The following KIAA1217 variants were observed in gnomAD, a reference collection of about 807,000 sequenced individuals.
KIAA1217 encodes sickle tail protein homolog.
KIAA1217 carries 88 observed loss-of-function variants against 163.9 expected under a neutral mutation model. The observed-to-expected ratio is 0.54, with a 90% CI of 0.45 to 0.64. The LOEUF is 0.64. KIAA1217 is among the 30% of genes least tolerant of loss of function. The pLI, the probability that KIAA1217 is intolerant of heterozygous loss-of-function variation, is 0.00. For synonymous variants in KIAA1217, 903 were observed against 923.1 expected (o/e 0.98, Z 0.39); for missense variants, 2,372 against 2,475.0 (o/e 0.96, Z 0.88).
intron 2 of KIAA1217, 113 bp downstream of exon 2, chr10:24,220,022 C>G: frequency 8.8e-7 from 1 of 1,133,248 alleles, no homozygotes. Flanking sequence ...ACTGTGCATA[C>G]TATTTAGTTG....
intron 2 of KIAA1217, among the ~76,000 whole-genome samples, chr10:24,106,738 T>G (rs1169503805): frequency 6.6e-6 from 1 of 152,158 alleles, no homozygotes; most frequent in Non-Finnish European, 1.5e-5. Context: ...GCATCTCAAC[T>G]GTCTCATCCA....
intron 1 of KIAA1217, among the ~76,000 whole-genome samples, chr10:23,706,446 T>C (rs1836893470): frequency 6.6e-6 from 1 of 152,186 alleles, no homozygotes; most frequent in African/African-American, 2.4e-5. Flanking sequence ...GAAGTTCTCT[T>C]TCTCTTCCTA....
intron 2 of KIAA1217, among the ~76,000 whole-genome samples, chr10:24,157,055 G>T (rs79537413): frequency 0.019 from 2,878 of 152,278 alleles, 34 homozygotes; most frequent in Middle Eastern, 0.058. Context: ...GATCATATAG[G>T]AAGTACGCGT....
At position 24,375,288 on chromosome 10, in the gene KIAA1217, C is replaced by T. The variant is rs561241081; in HGVS notation, c.355-5581C>T. On this transcript the variant is annotated intron_variant, in intron 2 of 20. Coordinates refer to ENST00000376454, the MANE Select transcript of KIAA1217 (RefSeq NM_019590.5). Reference sequence around the variant, plus strand: ...TCCTTCCCACCCTTAGTCCTCAACCCAGCATGGACATTAAAGACAGGAAAC... The same window carrying T: ...TCCTTCCCACCCTTAGTCCTCAACCTAGCATGGACATTAAAGACAGGAAAC... 1.6e-4 allele frequency among the ~76,000 whole-genome samples: 24 copies of T among 152,252 alleles called. No individual in the cohort carries two copies. The East Asian group carries it at 2.3e-3, about 15-fold the overall frequency.
rs1224993149 is a variant in KIAA1217, at chr10:24,106,667, G to A, written c.-171+99293G>A. 2.0e-5 allele frequency among the ~76,000 whole-genome samples: 3 copies of A among 152,102 alleles called. No homozygotes were observed. The East Asian group carries it at 5.8e-4, about 29-fold the overall frequency. On this transcript the variant is annotated intron_variant, in intron 2 of 18. Transcript: ENST00000376462. ...GTGCCAGGAATCAGGAGGTCATTGA[G>A]TATCCCAGCTTATCCCACCTTACTG... is the stretch of plus-strand genomic sequence containing the variant.
intron 2 of KIAA1217, among the ~76,000 whole-genome samples, chr10:24,092,928 T>TGTGTTGTGTGTGTG (rs548350322): frequency 2.8e-5 from 4 of 140,952 alleles, no homozygotes; most frequent in South Asian, 2.2e-4. Flanking sequence ...TGTGTGTGTG[T>TGTGTTGTGTGTGTG]TGTGTGTGTG....
chr10:24,114,366 C>T (rs1479186350), intron 2 of KIAA1217, among the ~76,000 whole-genome samples: 1 of 151,534 alleles, frequency 6.6e-6, no homozygotes, highest in East Asian at 1.9e-4. Context: ...AGAAACAATT[C>T]CAAAAAAAAA....
intron 1 of KIAA1217, among the ~76,000 whole-genome samples, chr10:23,810,047 G>A (rs769656831): frequency 9.9e-5 from 15 of 151,930 alleles, no homozygotes; most frequent in South Asian, 2.1e-4. Flanking sequence ...TTTCCCAACC[G>A]TAGGCCAATG....
rs1202600477 is a variant in KIAA1217, at chr10:24,490,955, C to G, written c.1680-3545C>G. On this transcript the variant is annotated intron_variant, in intron 6 of 20. Coordinates refer to ENST00000376454, the MANE Select transcript of KIAA1217 (RefSeq NM_019590.5). ...TGTGGGTACCTGGAGTGCATATAGC[C>G]CTTTTGTTCTAAAAGCACCCAGACT... Among the ~76,000 whole-genome samples the G allele has an allele frequency of 5.3e-5, 8 of 152,140 alleles. No homozygotes were observed. The East Asian group carries it at 1.5e-3, about 29-fold the overall frequency.
intron 3 of KIAA1217, among the ~76,000 whole-genome samples, chr10:24,409,997 C>CTTTTTTTTTTTTTTTTTTTTTTTT (rs71397947): frequency 4.8e-5 from 6 of 123,870 alleles, no homozygotes; most frequent in East Asian, 2.3e-4. Context: ...TTTCTTTTTT[C>CTTTTTTTTTTTTTTTTTTTTTTTT]TTTTTTTTTT....
intron 2 of KIAA1217, among the ~76,000 whole-genome samples, chr10:24,226,952 T>C (rs1365181229): frequency 1.3e-5 from 2 of 152,160 alleles, no homozygotes; most frequent in South Asian, 2.1e-4. Flanking sequence ...TGAAATTAAT[T>C]TTTCAATCTT....
chr10:24,062,856 T>C (rs1319717530), intron 2 of KIAA1217, among the ~76,000 whole-genome samples: 2 of 152,208 alleles, frequency 1.3e-5, no homozygotes, highest in Non-Finnish European at 1.5e-5. Context: ...TGGTATCTCA[T>C]TGTGGTTTTG....
intron 2 of KIAA1217, among the ~76,000 whole-genome samples, chr10:24,061,793 C>T (rs990740315): frequency 6.6e-6 from 1 of 152,230 alleles, no homozygotes; most frequent in African/African-American, 2.4e-5. Context: ...AGTTTCTTTT[C>T]TCTTCCTGCT....
intron 2 of KIAA1217, among the ~76,000 whole-genome samples, chr10:24,055,436 A>G (rs1849826658): frequency 6.6e-6 from 1 of 152,168 alleles, no homozygotes; most frequent in Non-Finnish European, 1.5e-5. Flanking sequence ...GTATCCACAA[A>G]TATTTCTCAC....
intron 2 of KIAA1217, among the ~76,000 whole-genome samples, chr10:24,320,813 G>C (rs576265724): frequency 6.6e-6 from 1 of 152,260 alleles, no homozygotes; most frequent in South Asian, 2.1e-4. Flanking sequence ...GGAGGCTGAG[G>C]CGGGCGGATC....
chr10:24,492,938 C>G (rs1411729072), intron 6 of KIAA1217, among the ~76,000 whole-genome samples: 1 of 152,018 alleles, frequency 6.6e-6, no homozygotes, highest in Non-Finnish European at 1.5e-5. Context: ...CTCCACCTCC[C>G]AGGTTCCCGT....
chr10:23,856,339 C>T (rs1278419999), intron 1 of KIAA1217, among the ~76,000 whole-genome samples: 5 of 152,196 alleles, frequency 3.3e-5, no homozygotes, highest in African/African-American at 4.8e-5. Flanking sequence ...TTTCGTGAAC[C>T]GCGAATGCTG....
At chr10:24,241,802 ACT>A (rs1485456094) in intron 2 of KIAA1217, among the ~76,000 whole-genome samples, 7 of 151,942 alleles carry the variant, frequency 4.6e-5, no homozygotes, top group Non-Finnish European at 1.0e-4. Context: ...TGGGGAAAAC[ACT>A]CTCTTCATTC....
intron 3 of KIAA1217, among the ~76,000 whole-genome samples, chr10:24,390,240 AG>A (rs973033946): frequency 6.6e-6 from 1 of 151,982 alleles, no homozygotes; most frequent in Admixed American, 6.6e-5. Flanking sequence ...CAAGTGCTGG[AG>A]GGTATAGGTT....
Sources: allele counts gnomAD v4.1 joint callset (sites outside exome capture counted in the v4.1 genomes callset), GRCh38; gene constraint gnomAD v4.1.1; transcripts MANE v1.5; gene names NCBI Gene and HGNC (gene_info 2026-07-23, HGNC 2026-07-21).